CASQ2: variants seen among roughly 807,000 people sequenced by gnomAD.
CASQ2 encodes the protein calsequestrin 2.
In CASQ2, 49 loss-of-function variants were observed where a neutral mutation model predicts 46.5. That is an observed-to-expected ratio of 1.05 (90% CI 0.84 to 1.34). The LOEUF (loss-of-function observed/expected upper bound fraction) is 1.34, where lower values mean the gene tolerates loss of function less well. CASQ2 is among the 40% of genes most tolerant of loss of function. CASQ2 has a pLI of 0.00. For synonymous variants in CASQ2, 174 were observed against 168.5 expected (o/e 1.03, Z -0.25); for missense variants, 486 against 481.3 (o/e 1.01, Z -0.09).
intron 4 of CASQ2, among the ~76,000 whole-genome samples, chr1:115,733,338 C>A (rs1647855653): frequency 6.6e-6 from 1 of 152,152 alleles, no homozygotes; most frequent in Non-Finnish European, 1.5e-5. Context: ...ATCATGCCCT[C>A]TAGAGAGAGT....
chr1:115,745,979 G>A (rs1319237368), intron 1 of CASQ2, among the ~76,000 whole-genome samples: 2 of 152,096 alleles, frequency 1.3e-5, no homozygotes, highest in South Asian at 2.1e-4. Flanking sequence ...CCACTGGTTC[G>A]TGTCCCTATC....
Position 115,701,259 on chromosome 1 carries a change from A to T in CASQ2, c.1182T>A (p.Asp394Glu), listed in dbSNP as rs756032036. ...NSDEEDNDDS[D>E]DDDDE Reference sequence around the variant, plus strand: ...AGTTGGGCTATTCATCATCATCGTCATCACTGTCATCATTATCCTCTTCAT... The same window carrying T: ...AGTTGGGCTATTCATCATCATCGTCTTCACTGTCATCATTATCCTCTTCAT... Residue 394 changes from aspartate to glutamate, a missense_variant, in exon 11 of 11, where the codon GAT becomes GAA. By Grantham distance (45) the Asp-to-Glu change is conservative. Coordinates refer to ENST00000261448, the MANE Select transcript of CASQ2 (RefSeq NM_001232.4). 6.2e-7 allele frequency: 1 copy of T among 1,608,152 alleles called. No individual in the cohort carries two copies. Among genetic ancestry groups the T allele is most frequent in the Non-Finnish European group, 8.5e-7 (1 of 1,174,690 alleles).
chr1:115,765,819 A>G (rs1258751030), intron 1 of CASQ2, among the ~76,000 whole-genome samples: 1 of 152,090 alleles, frequency 6.6e-6, no homozygotes, highest in Non-Finnish European at 1.5e-5. Flanking sequence ...GACACTGGGA[A>G]CTGCCTCCTC....
intron 7 of CASQ2, 58 bp from the exon 8 acceptor site, chr1:115,717,952 G>T: frequency 1.7e-6 from 2 of 1,179,948 alleles, no homozygotes; most frequent in Non-Finnish European, 2.5e-6. Flanking sequence ...AAAGGACTGA[G>T]CCAGGGACAG....
intron 8 of CASQ2, among the ~76,000 whole-genome samples, chr1:115,711,392 G>A (rs190647663): frequency 7.2e-5 from 11 of 152,236 alleles, no homozygotes; most frequent in African/African-American, 2.2e-4. Flanking sequence ...TTGCTTAACC[G>A]CTCCCCTTTC....
At chr1:115,766,169 C>A (rs1649127123) in intron 1 of CASQ2, among the ~76,000 whole-genome samples, 1 of 152,158 alleles carries the variant, frequency 6.6e-6, no homozygotes, top group African/African-American at 2.4e-5. Context: ...AGACCCGGGT[C>A]CAGAGGCTGA....
chr1:115,710,180 T>A (rs12080599), intron 8 of CASQ2, among the ~76,000 whole-genome samples: 2,239 of 152,324 alleles, frequency 0.015, 65 homozygotes, highest in African/African-American at 0.051. Context: ...GCAGAAAGTC[T>A]ATAATCACGC....
chr1:115,708,074 A>G (rs1654420401), intron 8 of CASQ2, among the ~76,000 whole-genome samples: 1 of 152,238 alleles, frequency 6.6e-6, no homozygotes, highest in Non-Finnish European at 1.5e-5. Context: ...GAACTTACCT[A>G]CTACGTTCCT....
At chr1:115,767,383 A>G (rs551090288) in intron 1 of CASQ2, among the ~76,000 whole-genome samples, 1 of 152,198 alleles carries the variant, frequency 6.6e-6, no homozygotes, top group Admixed American at 6.5e-5. Context: ...TCAAATCCAC[A>G]TGGGTTTTAT....
intron 7 of CASQ2, among the ~76,000 whole-genome samples, chr1:115,722,265 A>G (rs920535313): frequency 1.3e-5 from 2 of 152,220 alleles, no homozygotes; most frequent in Non-Finnish European, 2.9e-5. Context: ...TCCCCAAGTT[A>G]AGAACAATTC....
chr1:115,710,544 G>A (rs1441146910), intron 8 of CASQ2, among the ~76,000 whole-genome samples: 1 of 152,116 alleles, frequency 6.6e-6, no homozygotes, highest in Non-Finnish European at 1.5e-5. Context: ...AGGGAAGCAG[G>A]GGCTGGGACA....
At chr1:115,704,995 A>T (rs1210459175) in intron 9 of CASQ2, among the ~76,000 whole-genome samples, 197 bp downstream of exon 9, 1 of 152,216 alleles carries the variant, frequency 6.6e-6, no homozygotes, top group East Asian at 1.9e-4. Context: ...GACTCCAGGG[A>T]GTAAGCCGAA....
chr1:115,750,896 C>CTGTAGGTATGTATCGCACCTACAGGA (rs6143392), intron 1 of CASQ2, among the ~76,000 whole-genome samples: 106,870 of 150,964 alleles, frequency 0.71, 41,542 homozygotes, highest in Non-Finnish European at 0.87. Context: ...AGATTGTATC[C>CTGTAGGTATGTATCGCACCTACAGGA]TGTAGGTATG....
chr1:115,725,051 T>C (rs994443821), intron 7 of CASQ2, among the ~76,000 whole-genome samples: 5 of 152,072 alleles, frequency 3.3e-5, no homozygotes, highest in Non-Finnish European at 7.4e-5. Flanking sequence ...CATGAAGTTG[T>C]CCATGTTTTT....
intron 1 of CASQ2, among the ~76,000 whole-genome samples, chr1:115,753,481 T>A (rs1186211879): frequency 7.3e-6 from 1 of 137,660 alleles, no homozygotes; most frequent in Non-Finnish European, 1.6e-5. Flanking sequence ...GGTGACCTTT[T>A]AGAGAAGAGC....
chr1:115,701,007 G>T lies in CASQ2; in HGVS notation c.*234C>A. The stretch of plus-strand genomic sequence containing the variant: ...ACAAGATCTGTTCCGTGACAGTCAA[G>T]ACAGTCAACATGGGAATAATTTTTC... On this transcript the variant is annotated 3_prime_UTR_variant, in exon 11 of 11. Transcript: ENST00000261448. The T allele has an allele frequency of 1.5e-6, 1 of 649,696 alleles. No individual in the cohort carries two copies. Among genetic ancestry groups the T allele is most frequent in the African/African-American group, 1.8e-5 (1 of 55,892 alleles). The allele number at this position is 649,696 out of a possible 1,614,324, so 40.2% of individuals were successfully genotyped here. A position where few individuals can be genotyped will look rare whatever the true frequency, so the allele number is the denominator to read the frequency against.
intron 7 of CASQ2, among the ~76,000 whole-genome samples, chr1:115,725,187 C>T (rs1164623707): frequency 6.6e-6 from 1 of 152,100 alleles, no homozygotes; most frequent in Non-Finnish European, 1.5e-5. Flanking sequence ...CTGCCTCAGC[C>T]TCCCAAGTAG....
intron 7 of CASQ2, among the ~76,000 whole-genome samples, chr1:115,719,502 G>C (rs1053046640): frequency 2.2e-4 from 34 of 152,194 alleles, no homozygotes; most frequent in African/African-American, 8.2e-4. Flanking sequence ...TTGTTTTCTA[G>C]AAGGCTGCTC....
chr1:115,730,551 T>A (rs112999749), intron 5 of CASQ2, among the ~76,000 whole-genome samples: 4 of 152,342 alleles, frequency 2.6e-5, no homozygotes, highest in Non-Finnish European at 4.4e-5. Flanking sequence ...TCCAGTTGAA[T>A]GTTTCCCCAA....
Sources: gnomAD v4.1 joint callset for allele counts (sites outside exome capture counted in the v4.1 genomes callset) on GRCh38, gnomAD v4.1.1 for gene constraint, MANE v1.5 for transcripts, NCBI Gene and HGNC (gene_info 2026-07-23, HGNC 2026-07-21) for gene names.